Variants in STXBP5L observed in about 807,000 individuals in gnomAD.
STXBP5L encodes syntaxin-binding protein 5-like.
Under a neutral mutation model 144.5 loss-of-function variants are expected in STXBP5L, and 65 were observed. The observed-to-expected ratio is 0.45, with a 90% CI of 0.37 to 0.55. The LOEUF is 0.55. Among genes scored for constraint, STXBP5L ranks in the 20% least tolerant of loss-of-function variants. The pLI, the probability that STXBP5L is intolerant of heterozygous loss-of-function variation, is 0.00. For missense variants in STXBP5L, 1,298 were observed against 1,405.5 expected, an observed-to-expected ratio of 0.92 and a Z score of 1.22; for synonymous variants, 505 against 469.6, an observed-to-expected ratio of 1.08 and a Z score of -0.97.
intron 5 of STXBP5L, among the ~76,000 whole-genome samples, chr3:121,048,053 T>A (rs1386024259): frequency 1.3e-5 from 2 of 152,178 alleles, no homozygotes; most frequent in Non-Finnish European, 2.9e-5. Context: ...TGGTCATAAA[T>A]TCCCTTAGCA....
intron 7 of STXBP5L, among the ~76,000 whole-genome samples, chr3:121,144,873 G>A (rs2045654627): frequency 6.6e-6 from 1 of 151,848 alleles, no homozygotes; most frequent in Non-Finnish European, 1.5e-5. Flanking sequence ...GATAAACCTG[G>A]AGGATATTAT....
intron 3 of STXBP5L, among the ~76,000 whole-genome samples, chr3:121,026,144 C>A (rs797010915): frequency 6.6e-6 from 1 of 151,134 alleles, no homozygotes; most frequent in Admixed American, 6.6e-5. Context: ...AAATGTATCA[C>A]CTTGATTTAA....
intron 9 of STXBP5L, among the ~76,000 whole-genome samples, chr3:121,181,478 A>G (rs1559832488): frequency 1.3e-5 from 2 of 152,266 alleles, no homozygotes; most frequent in Non-Finnish European, 2.9e-5. Context: ...TAACGCCTGT[A>G]ATCCCAGCAC....
chr3:121,022,801 A>T (rs1945658212), intron 3 of STXBP5L, among the ~76,000 whole-genome samples: 1 of 152,186 alleles, frequency 6.6e-6, no homozygotes, highest in Non-Finnish European at 1.5e-5. Context: ...CCAACATTAT[A>T]CTGAATGGGG....
At chr3:121,356,430 C>G (rs1218100693) in intron 20 of STXBP5L, among the ~76,000 whole-genome samples, 1 of 152,238 alleles carries the variant, frequency 6.6e-6, no homozygotes. Flanking sequence ...GCTGCCACCT[C>G]ACAGCTCAAT....
intron 9 of STXBP5L, among the ~76,000 whole-genome samples, chr3:121,172,666 A>G (rs2046770797): frequency 6.6e-6 from 1 of 152,240 alleles, no homozygotes; most frequent in Non-Finnish European, 1.5e-5. Flanking sequence ...GCAATCATTA[A>G]AAAGTCAGGA....
intron 14 of STXBP5L, among the ~76,000 whole-genome samples, chr3:121,241,783 C>T (rs765196695): frequency 1.3e-5 from 2 of 152,112 alleles, no homozygotes; most frequent in Non-Finnish European, 2.9e-5. Flanking sequence ...ACAACATGAA[C>T]CTTCAGATTC....
At chr3:121,126,512 C>T (rs1356834067) in intron 7 of STXBP5L, among the ~76,000 whole-genome samples, 2 of 152,108 alleles carry the variant, frequency 1.3e-5, no homozygotes, top group Non-Finnish European at 2.9e-5. Flanking sequence ...ATCACAGTTA[C>T]TTTAAAAATG....
Position 120,971,810 on chromosome 3 carries a change from ATGTC to A in STXBP5L, c.287+16777_287+16780del, listed in dbSNP as rs1475222511. ...TATATATATACACACATATATATATATGTCTGTGCCATGGAATACTGGTATAATA... is the reference window on the plus strand; with the variant it reads ...TATATATATACACACATATATATATATGTGCCATGGAATACTGGTATAATA... On this transcript the variant is annotated intron_variant, in intron 3 of 26. Coordinates refer to ENST00000471454, the MANE Select transcript of STXBP5L (RefSeq NM_001308330.2). 5.9e-5 allele frequency among the ~76,000 whole-genome samples: 9 copies of A among 151,630 alleles called. No homozygotes were observed. In the East Asian group the frequency reaches 9.7e-4, roughly 16 times the overall value.
intron 20 of STXBP5L, among the ~76,000 whole-genome samples, chr3:121,330,633 A>G (rs1011253364): frequency 6.6e-6 from 1 of 152,064 alleles, no homozygotes; most frequent in Non-Finnish European, 1.5e-5. Context: ...AAATACCACC[A>G]TTACCACCAC....
chr3:121,058,722 A>T (rs957535665), intron 5 of STXBP5L, among the ~76,000 whole-genome samples: 1 of 152,192 alleles, frequency 6.6e-6, no homozygotes, highest in Non-Finnish European at 1.5e-5. Flanking sequence ...TTCTCTAATG[A>T]CCAGTGATGA....
chr3:121,213,161 G>C (rs1386501591), intron 10 of STXBP5L, among the ~76,000 whole-genome samples: 1 of 152,172 alleles, frequency 6.6e-6, no homozygotes, highest in Admixed American at 6.5e-5. Flanking sequence ...TGCAAACAGA[G>C]ACAATTTGAA....
chr3:120,925,064 C>T (rs1040965553), intron 2 of STXBP5L: 1 of 152,100 alleles, frequency 6.6e-6, no homozygotes, highest in African/African-American at 2.4e-5. Flanking sequence ...CTATATATAA[C>T]TAACAAAAGG....
intron 10 of STXBP5L, among the ~76,000 whole-genome samples, chr3:121,221,954 G>A (rs1026182941): frequency 6.6e-6 from 1 of 151,842 alleles, no homozygotes; most frequent in Non-Finnish European, 1.5e-5. Context: ...GCCACACACA[G>A]TACAAAACGG....
chr3:120,946,851 G>C (rs983074678), intron 2 of STXBP5L, among the ~76,000 whole-genome samples: 6 of 151,430 alleles, frequency 4.0e-5, no homozygotes, highest in African/African-American at 1.5e-4. Flanking sequence ...AAAGTAGAGG[G>C]GAAGCAAAAG....
intron 3 of STXBP5L, among the ~76,000 whole-genome samples, chr3:120,978,610 T>G (rs1941369483): frequency 6.6e-6 from 1 of 152,356 alleles, no homozygotes; most frequent in African/African-American, 2.4e-5. Context: ...CTTTGGAGGA[T>G]GAGAGGCACT....
rs1180135780 is a variant in STXBP5L at position 121,026,013 on chromosome 3, A to G, written c.288-15687A>G. 3.5e-5 allele frequency among the ~76,000 whole-genome samples: 5 copies of G among 143,270 alleles called. No individual in the cohort carries two copies. In the South Asian group the frequency reaches 1.1e-3, roughly 30 times the overall value. 94.0% of individuals were successfully genotyped at this position (143,270 alleles called of 152,430 possible). On this transcript the variant is annotated intron_variant, in intron 3 of 26. Transcript: ENST00000471454. ...AGTATTATCAATATATTATATATAAATATATTTATAATTTTATAAGTTATA... is the reference window on the plus strand; with the variant it reads ...AGTATTATCAATATATTATATATAAGTATATTTATAATTTTATAAGTTATA...
At chr3:121,383,126 T>A (rs984618641) in intron 22 of STXBP5L, among the ~76,000 whole-genome samples, 1 of 151,784 alleles carries the variant, frequency 6.6e-6, no homozygotes, top group Non-Finnish European at 1.5e-5. Context: ...TACCAAAAAA[T>A]TTTTTTAAAT....
At chr3:120,909,876 A>G (rs1220123113) in intron 2 of STXBP5L, 109 bp downstream of exon 2, 2 of 1,176,378 alleles carry the variant, frequency 1.7e-6, no homozygotes, top group Non-Finnish European at 1.2e-6. Flanking sequence ...TGTCAGCATC[A>G]GAGTCTGCTG....
Sources: gnomAD v4.1 joint callset for allele counts (sites outside exome capture counted in the v4.1 genomes callset) on GRCh38, gnomAD v4.1.1 for gene constraint, MANE v1.5 for transcripts, NCBI Gene and HGNC (gene_info 2026-07-23, HGNC 2026-07-21) for gene names.